BMPR1B: variants seen among roughly 807,000 people sequenced by gnomAD.
BMPR1B encodes the protein bone morphogenetic protein receptor type-1B.
A neutral mutation model predicts 59.1 loss-of-function variants in BMPR1B; 12 were observed. The observed-to-expected ratio is 0.20, with a 90% CI of 0.13 to 0.33. BMPR1B has a LOEUF of 0.33. BMPR1B is among the 10% of genes least tolerant of loss of function. The pLI, the probability that BMPR1B is intolerant of heterozygous loss-of-function variation, is 1.00. For synonymous variants in BMPR1B, 237 were observed against 207.3 expected (o/e 1.14, Z -1.23); for missense variants, 550 against 610.9 (o/e 0.90, Z 1.05).
intron 1 of BMPR1B, among the ~76,000 whole-genome samples, chr4:94,821,104 C>T (rs1428035730): frequency 2.0e-5 from 3 of 152,206 alleles, no homozygotes; most frequent in Non-Finnish European, 2.9e-5. Context: ...ATATATTTCA[C>T]AACTCTCTTT....
intron 3 of BMPR1B, among the ~76,000 whole-genome samples, chr4:95,046,374 G>C (rs1041837816): frequency 1.3e-5 from 2 of 152,178 alleles, no homozygotes; most frequent in African/African-American, 4.8e-5. Flanking sequence ...AGAGGCAGGA[G>C]AGAGATTAGT....
chr4:94,913,396 G>A (rs1228115721), intron 2 of BMPR1B, among the ~76,000 whole-genome samples: 1 of 152,152 alleles, frequency 6.6e-6, no homozygotes, highest in Non-Finnish European at 1.5e-5. Flanking sequence ...TTTTGAAAAA[G>A]TCACTTCCTT....
At chr4:95,092,631 T>C (rs939837799) in intron 3 of BMPR1B, among the ~76,000 whole-genome samples, 5 of 152,120 alleles carry the variant, frequency 3.3e-5, no homozygotes, top group Non-Finnish European at 7.4e-5. Flanking sequence ...TTAAAGTCAG[T>C]AATAGCTAAG....
At position 95,004,826 on chromosome 4, in the gene BMPR1B, C is replaced by T. The variant is rs186109676; in HGVS notation, c.-18+8692C>T. ...AGAAAGAAAGCATGGTGACCTAGGACACAACGTTCTACTGAAATAATTCGC... is the reference window on the plus strand; with the variant it reads ...AGAAAGAAAGCATGGTGACCTAGGATACAACGTTCTACTGAAATAATTCGC... On this transcript the variant is annotated intron_variant, in intron 3 of 12. Transcript: ENST00000515059. Among the ~76,000 whole-genome samples the T allele has an allele frequency of 1.7e-3, 264 of 152,270 alleles. 2 individuals are homozygous for T. Among genetic ancestry groups the T allele is most frequent in the African/African-American group, 6.1e-3 (254 of 41,550 alleles).
chr4:95,101,894 G>A (rs1379281402), intron 3 of BMPR1B, among the ~76,000 whole-genome samples: 1 of 151,974 alleles, frequency 6.6e-6, no homozygotes, highest in African/African-American at 2.4e-5. Context: ...TTATTTTAGT[G>A]TCTCCTCCCT....
chr4:94,878,501 C>A (rs888193592), intron 2 of BMPR1B, among the ~76,000 whole-genome samples: 3 of 152,186 alleles, frequency 2.0e-5, no homozygotes, highest in South Asian at 2.1e-4. Context: ...AGAGGACTTT[C>A]TTGTTACACT....
At chr4:95,111,599 T>A (rs1731637117) in intron 4 of BMPR1B, among the ~76,000 whole-genome samples, 1 of 152,090 alleles carries the variant, frequency 6.6e-6, no homozygotes, top group Non-Finnish European at 1.5e-5. Context: ...AATAAATGCA[T>A]CTATTCTCTG....
At chr4:94,862,015 A>G (rs1161551936) in intron 1 of BMPR1B, among the ~76,000 whole-genome samples, 1 of 152,058 alleles carries the variant, frequency 6.6e-6, no homozygotes, top group Non-Finnish European at 1.5e-5. Flanking sequence ...AGAAATAATA[A>G]TAGTAGCAGC....
intron 3 of BMPR1B, among the ~76,000 whole-genome samples, chr4:94,999,463 T>C (rs982654209): frequency 6.6e-6 from 1 of 151,578 alleles, no homozygotes; most frequent in African/African-American, 2.4e-5. Flanking sequence ...ACCATGAAAA[T>C]AGATATTTGC....
At chr4:94,834,803 T>C (rs948267917) in intron 1 of BMPR1B, among the ~76,000 whole-genome samples, 2 of 152,174 alleles carry the variant, frequency 1.3e-5, no homozygotes, top group Admixed American at 1.3e-4. Flanking sequence ...GAAATGGAAA[T>C]GGCAGTGCCT....
At chr4:94,830,853 A>C (rs968711054) in intron 1 of BMPR1B, among the ~76,000 whole-genome samples, 1 of 152,208 alleles carries the variant, frequency 6.6e-6, no homozygotes, top group African/African-American at 2.4e-5. Context: ...TGGTGTAAAC[A>C]AACCTGTGCT....
chr4:94,977,000 G>A (rs1266474382), intron 2 of BMPR1B, among the ~76,000 whole-genome samples: 3 of 152,218 alleles, frequency 2.0e-5, no homozygotes, highest in East Asian at 1.9e-4. Flanking sequence ...GGAAATTTGG[G>A]TGTCCAGAGG....
At chr4:95,138,588 TGGA>T (rs1407155673) in intron 10 of BMPR1B, among the ~76,000 whole-genome samples, 1 of 152,210 alleles carries the variant, frequency 6.6e-6, no homozygotes, top group East Asian at 1.9e-4. Flanking sequence ...CCATATTTCT[TGGA>T]GGGTTTGTTC....
At chr4:94,770,180 G>GGTTTTTTTTTTTTTTTTTTT (rs771544268) in intron 1 of BMPR1B, among the ~76,000 whole-genome samples, 3 of 106,250 alleles carry the variant, frequency 2.8e-5, no homozygotes, top group African/African-American at 1.2e-4. Flanking sequence ...CTTCGTTTCT[G>GGTTTTTTTTTTTTTTTTTTT]TGTTTGTTTT....
At chr4:94,849,969 C>T (rs1223690961) in intron 1 of BMPR1B, among the ~76,000 whole-genome samples, 1 of 152,052 alleles carries the variant, frequency 6.6e-6, no homozygotes, top group Non-Finnish European at 1.5e-5. Context: ...TTTGTTCCAA[C>T]CCTTTATTAG....
At chr4:95,031,665 G>C (rs1244761972) in intron 3 of BMPR1B, among the ~76,000 whole-genome samples, 1 of 152,092 alleles carries the variant, frequency 6.6e-6, no homozygotes, top group Non-Finnish European at 1.5e-5. Flanking sequence ...CTGCAACGTG[G>C]ATCATGGGGA....
chr4:94,928,213 A>T (rs1578812275), intron 2 of BMPR1B, among the ~76,000 whole-genome samples: 1 of 149,138 alleles, frequency 6.7e-6, no homozygotes, highest in African/African-American at 2.5e-5. Flanking sequence ...CCCAGGCTGG[A>T]GGGCAGTGGT....
intron 2 of BMPR1B, among the ~76,000 whole-genome samples, chr4:94,906,275 A>G (rs962409959): frequency 6.6e-6 from 1 of 152,060 alleles, no homozygotes; most frequent in Non-Finnish European, 1.5e-5. Context: ...TGCCTTGAAA[A>G]TGCCCTTGGA....
At chr4:94,844,476 C>G (rs1725237229) in intron 1 of BMPR1B, among the ~76,000 whole-genome samples, 1 of 152,124 alleles carries the variant, frequency 6.6e-6, no homozygotes, top group Admixed American at 6.5e-5. Context: ...AATGACTTAC[C>G]TCTGGTCAGC....
Sources: allele counts gnomAD v4.1 joint callset (sites outside exome capture counted in the v4.1 genomes callset), GRCh38; gene constraint gnomAD v4.1.1; transcripts MANE v1.5; gene names NCBI Gene and HGNC (gene_info 2026-07-23, HGNC 2026-07-21).